EXT2: variants seen among roughly 807,000 people sequenced by gnomAD.
EXT2 encodes the protein exostosin glycosyltransferase 2.
Under a neutral mutation model 81.6 loss-of-function variants are expected in EXT2, and 53 were observed. The observed-to-expected ratio is 0.65, with a 90% CI of 0.52 to 0.82. The LOEUF (loss-of-function observed/expected upper bound fraction) is 0.82, where lower values mean the gene tolerates loss of function less well. EXT2 is among the 40% of genes least tolerant of loss of function. The pLI is 0.00. For synonymous variants in EXT2, 320 were observed against 340.0 expected (o/e 0.94, Z 0.65); for missense variants, 774 against 910.2 (o/e 0.85, Z 1.93).
chr11:44,228,533 T>A (rs1325766498), intron 10 of EXT2, among the ~76,000 whole-genome samples: 1 of 152,176 alleles, frequency 6.6e-6, no homozygotes, highest in Non-Finnish European at 1.5e-5. Flanking sequence ...TCCCATTCTG[T>A]TTCACTCCGT....
chr11:44,143,961 G>T (rs537482774), intron 7 of EXT2, among the ~76,000 whole-genome samples: 2 of 152,258 alleles, frequency 1.3e-5, no homozygotes, highest in African/African-American at 4.8e-5. Context: ...GATAAAGTGA[G>T]CTTTTGATTT....
chr11:44,164,169 G>T (rs1225632381), intron 7 of EXT2, among the ~76,000 whole-genome samples: 2 of 151,948 alleles, frequency 1.3e-5, no homozygotes, highest in African/African-American at 2.4e-5. Context: ...TATAATACTG[G>T]TTTTTCACTT....
At chr11:44,199,159 T>C (rs1343491030) in intron 9 of EXT2, among the ~76,000 whole-genome samples, 18 of 152,200 alleles carry the variant, frequency 1.2e-4, no homozygotes, top group Admixed American at 1.2e-3. Flanking sequence ...CACTATAACA[T>C]GGCCAGTTTT....
At position 44,204,381 on chromosome 11, in the gene EXT2, T is replaced by TTGTG. The variant is rs57961591; in HGVS notation, c.1496-2398_1496-2395dup. ...TTAATACAGTAAATAGACAATGTGT[T>TTGTG]TGTGTGTGTGTGTGTGTATCCTATA... On this transcript the variant is annotated intron_variant, in intron 9 of 13. Transcript: ENST00000533608. 7.9e-3 allele frequency among the ~76,000 whole-genome samples: 1,191 copies of TTGTG among 151,228 alleles called. 12 individuals carry two copies. Among genetic ancestry groups the TTGTG allele is most frequent in the African/African-American group, 0.028 (1,151 of 41,350 alleles).
chr11:44,176,811 G>C (rs1455384492), intron 8 of EXT2, among the ~76,000 whole-genome samples: 1 of 151,484 alleles, frequency 6.6e-6, no homozygotes. Flanking sequence ...GGGGTTTTCA[G>C]AGATACACTC....
chr11:44,114,997 G>C (rs1954200866), intron 4 of EXT2, among the ~76,000 whole-genome samples: 1 of 152,108 alleles, frequency 6.6e-6, no homozygotes, highest in South Asian at 2.1e-4. Flanking sequence ...TGTGCCTTAG[G>C]TTTCAGCTTG....
Position 44,244,904 on chromosome 11 carries a change from A to G in EXT2, c.*617A>G, listed in dbSNP as rs1186123609. On this transcript the variant is annotated 3_prime_UTR_variant, in exon 14 of 14. Coordinates refer to ENST00000533608, the MANE Select transcript of EXT2 (RefSeq NM_207122.2). ...TTCCTCTTTGGTTTGGCTTTTTGATATGATTAAAATTATTTTTTATTCCTT... is the reference window on the plus strand; with the variant it reads ...TTCCTCTTTGGTTTGGCTTTTTGATGTGATTAAAATTATTTTTTATTCCTT... 1 of 232,964 alleles carries G rather than the reference A, an allele frequency of 4.3e-6. No homozygotes were observed. The highest frequency in any genetic ancestry group is 5.5e-5 in the Admixed American group (1 of 18,128). The allele number at this position is 232,964 out of a possible 1,614,324, so 14.4% of individuals were successfully genotyped here. A position where few individuals can be genotyped will look rare whatever the true frequency, so the allele number is the denominator to read the frequency against.
chr11:44,154,233 C>A (rs1000934453), intron 7 of EXT2, among the ~76,000 whole-genome samples: 24 of 151,992 alleles, frequency 1.6e-4, no homozygotes, highest in African/African-American at 5.8e-4. Flanking sequence ...AATACTATAT[C>A]TTATTTATTC....
intron 7 of EXT2, among the ~76,000 whole-genome samples, chr11:44,170,934 G>A (rs1428223737): frequency 1.3e-5 from 2 of 151,618 alleles, no homozygotes; most frequent in East Asian, 1.9e-4. Flanking sequence ...AAGAAATAAC[G>A]CTGATCTTGC....
chr11:44,144,029 C>A (rs934335236), intron 7 of EXT2, among the ~76,000 whole-genome samples: 1 of 152,152 alleles, frequency 6.6e-6, no homozygotes, highest in Non-Finnish European at 1.5e-5. Flanking sequence ...TTAAAAGGAG[C>A]AGGTCTTTCA....
chr11:44,149,211 A>C (rs1390469494), intron 7 of EXT2, among the ~76,000 whole-genome samples: 1 of 151,928 alleles, frequency 6.6e-6, no homozygotes, highest in Non-Finnish European at 1.5e-5. Flanking sequence ...AAAATGAAAA[A>C]CTTAGCTGGG....
intron 10 of EXT2, among the ~76,000 whole-genome samples, chr11:44,213,079 A>T (rs1955672415): frequency 6.6e-6 from 1 of 152,196 alleles, no homozygotes; most frequent in African/African-American, 2.4e-5. Flanking sequence ...AAATTGTGGG[A>T]TGCAGCTAAA....
intron 8 of EXT2, 103 bp from the exon 9 acceptor site, chr11:44,197,726 G>T (rs978018915): frequency 6.6e-6 from 8 of 1,214,888 alleles, no homozygotes; most frequent in Non-Finnish European, 9.7e-6. Flanking sequence ...ATCTGTCCTG[G>T]TAAAAGCCAC....
intron 4 of EXT2, chr11:44,116,925 A>AT (rs1471812552): frequency 1.3e-5 from 2 of 149,412 alleles, no homozygotes; most frequent in African/African-American, 4.9e-5. Flanking sequence ...CAGATCCATG[A>AT]TTTGCAAATC....
intron 7 of EXT2, among the ~76,000 whole-genome samples, chr11:44,135,668 A>G (rs922352440): frequency 2.6e-5 from 4 of 152,230 alleles, no homozygotes; most frequent in African/African-American, 7.2e-5. Context: ...CTGGGATTAC[A>G]GGCATGAGCC....
At position 44,206,943 on chromosome 11, in the gene EXT2, T is replaced by A. The variant is rs1392675195; in HGVS notation, c.1646T>A (p.Leu549Gln). 3 of 1,614,114 alleles carry A rather than the reference T, an allele frequency of 1.9e-6. No homozygotes were observed. In the South Asian group the frequency reaches 3.3e-5, roughly 18 times the overall value. The change falls in exon 10 of 14, where the codon CTG becomes CAG. Residue 549 changes from leucine (L) to glutamine (Q), a missense_variant. Leu to Gln is a moderately radical substitution (Grantham distance 113, BLOSUM62 -2). This residue lies in a region of EXT2 where 148 missense variants were observed against 239.7 expected (regional missense o/e 0.62). Transcript: ENST00000533608. Reference protein sequence around the residue: ...DDIIMLTSDELQFGYEVWREF... With the variant: ...DDIIMLTSDEQQFGYEVWREF... Reference sequence around the variant, plus strand: ...ATCATTATGCTGACCTCTGACGAGCTGCAATTTGGTTATGAGGTAAGGAGG... The same window carrying A: ...ATCATTATGCTGACCTCTGACGAGCAGCAATTTGGTTATGAGGTAAGGAGG...
chr11:44,222,235 C>T (rs1163695079), intron 10 of EXT2, among the ~76,000 whole-genome samples: 1 of 152,104 alleles, frequency 6.6e-6, no homozygotes, highest in Non-Finnish European at 1.5e-5. Flanking sequence ...ACACTCTGTG[C>T]TTGGAGAGGG....
intron 7 of EXT2, among the ~76,000 whole-genome samples, chr11:44,165,868 A>G (rs1308427680): frequency 2.0e-5 from 3 of 152,098 alleles, no homozygotes; most frequent in African/African-American, 4.8e-5. Flanking sequence ...GGTGCTCTTA[A>G]TGCTCTGGAA....
intron 10 of EXT2, among the ~76,000 whole-genome samples, chr11:44,227,544 T>G (rs1955851069): frequency 6.6e-6 from 1 of 152,224 alleles, no homozygotes; most frequent in South Asian, 2.1e-4. Context: ...TGGACCTACT[T>G]TAACCATGTG....
Sources: allele counts gnomAD v4.1 joint callset (sites outside exome capture counted in the v4.1 genomes callset), GRCh38; gene constraint gnomAD v4.1.1; regional missense constraint gnomAD v4.1.1; transcripts MANE v1.5; gene names NCBI Gene and HGNC (gene_info 2026-07-23, HGNC 2026-07-21).